ZNF334: variants seen among roughly 807,000 people sequenced by gnomAD.
ZNF334 encodes zinc finger protein 334.
ZNF334 carries 14 observed loss-of-function variants against 12.4 expected under a neutral mutation model. That is an observed-to-expected ratio of 1.13 (90% CI 0.74 to 1.76). The LOEUF (loss-of-function observed/expected upper bound fraction) is 1.76. Among genes scored for constraint, ZNF334 ranks in the 40% most tolerant of loss-of-function variants. The probability of loss-of-function intolerance (pLI) is 0.00; values close to 1 mark genes in which losing one functional copy is unlikely to be tolerated. For missense variants in ZNF334, 797 were observed against 804.5 expected (o/e 0.99, Z 0.11); for synonymous variants, 273 against 269.6 (o/e 1.01, Z -0.12).
At chr20:46,496,116 C>A (rs755768306), downstream of ZNF334, among the ~76,000 whole-genome samples, 5 of 152,188 alleles carry the variant, frequency 3.3e-5, no homozygotes, top group Non-Finnish European at 5.9e-5. Flanking sequence ...ATAAGTCATA[C>A]TTCTGCCTAG....
chr20:46,503,992 T>C (rs2061341484), intron 4 of ZNF334, among the ~76,000 whole-genome samples: 1 of 152,222 alleles, frequency 6.6e-6, no homozygotes, highest in African/African-American at 2.4e-5. Context: ...ATTTTGGGGA[T>C]AGGTAACTTA....
At chr20:46,507,467 GATA>G (rs1302712430) in intron 2 of ZNF334, among the ~76,000 whole-genome samples, 3 of 152,202 alleles carry the variant, frequency 2.0e-5, no homozygotes, top group Non-Finnish European at 4.4e-5. Flanking sequence ...GAATACGATA[GATA>G]ATAATACTGT....
downstream of ZNF334, among the ~76,000 whole-genome samples, chr20:46,497,622 A>T (rs1009763062): frequency 2.0e-5 from 3 of 152,262 alleles, no homozygotes; most frequent in East Asian, 5.8e-4. Context: ...TAAAGATATC[A>T]GTATATTAGT....
the ZNF334 span, among the ~76,000 whole-genome samples, chr20:46,488,003 A>C: frequency 6.6e-6 from 1 of 152,134 alleles, no homozygotes; most frequent in Non-Finnish European, 1.5e-5. Flanking sequence ...CTAGGGTGTA[A>C]CAGCCAGGGA....
the ZNF334 span, among the ~76,000 whole-genome samples, chr20:46,488,417 T>A: frequency 1.4e-4 from 14 of 98,022 alleles, no homozygotes; most frequent in African/African-American, 6.3e-4. Flanking sequence ...GTAGCTCTTA[T>A]TTTATATATA....
chr20:46,471,389 T>C, the ZNF334 span, among the ~76,000 whole-genome samples: 1 of 152,218 alleles, frequency 6.6e-6, no homozygotes, highest in South Asian at 2.1e-4. Flanking sequence ...ACCAATACCT[T>C]CTTCCATTCT....
chr20:46,483,573 C>T, the ZNF334 span, among the ~76,000 whole-genome samples: 1 of 152,142 alleles, frequency 6.6e-6, no homozygotes, highest in Non-Finnish European at 1.5e-5. Flanking sequence ...ATCTTGCTCT[C>T]CCCCTACTAA....
At chr20:46,483,913 G>C in the ZNF334 span, among the ~76,000 whole-genome samples, 1 of 152,114 alleles carries the variant, frequency 6.6e-6, no homozygotes, top group Non-Finnish European at 1.5e-5. Flanking sequence ...TTGAATTTAT[G>C]TATATACTTG....
the ZNF334 span, among the ~76,000 whole-genome samples, chr20:46,478,985 C>A: frequency 6.6e-6 from 1 of 152,154 alleles, no homozygotes; most frequent in African/African-American, 2.4e-5. Context: ...CTCACCTCAC[C>A]CCATCCCTGG....
At position 46,502,956 on chromosome 20, in the gene ZNF334, G is replaced by A. The variant is rs1568862238; in HGVS notation, c.383C>T (p.Pro128Leu). ...KTLNLGMNSV[P>L]SRKMPYKCNP... is the part of the protein sequence containing the mutation. ...ACATTTATAGGGCATTTTTCTTGAG[G>A]GAACACTATTCATGCCCAGATTAAG... Residue 128 changes from proline to leucine, a missense_variant, in exon 5 of 5, where the codon CCC becomes CTC. Pro to Leu is a moderately conservative substitution (Grantham distance 98). Coordinates refer to ENST00000692313, the MANE Select transcript of ZNF334 (RefSeq NM_001353824.2). 2.5e-6 allele frequency: 4 copies of A among 1,613,928 alleles called. No individual in the cohort carries two copies. Among genetic ancestry groups the A allele is most frequent in the Non-Finnish European group, 2.5e-6 (3 of 1,179,950 alleles).
Position 46,502,076 on chromosome 20 carries a change from A to G in ZNF334, c.1263T>C (p.Asn421=). Residue 421 remains asparagine (N), a synonymous_variant, in exon 5 of 5, where the codon AAT becomes AAC. Coordinates refer to ENST00000692313, the MANE Select transcript of ZNF334 (RefSeq NM_001353824.2). ...CTCCTGTATGACTTCTTCGATGCAC[A>G]TTGAGGGCAGATTGACAAAAGAAGG... The part of the protein sequence containing the change: ...EKTFFCQSAL[N]VHRRSHTGEK... 1 of 1,614,212 alleles carries G rather than the reference A, an allele frequency of 6.2e-7. No individual in the cohort carries two copies. Among genetic ancestry groups the G allele is most frequent in the Non-Finnish European group, 8.5e-7 (1 of 1,180,038 alleles).
At chr20:46,511,275 A>G (rs1165860534) in intron 2 of ZNF334, among the ~76,000 whole-genome samples, 2 of 152,126 alleles carry the variant, frequency 1.3e-5, no homozygotes, top group East Asian at 3.9e-4. Context: ...AAAGAGAATC[A>G]TGTGAGTGAT....
At chr20:46,485,991 G>C in the ZNF334 span, among the ~76,000 whole-genome samples, 8 of 152,246 alleles carry the variant, frequency 5.3e-5, no homozygotes, top group East Asian at 1.5e-3. Flanking sequence ...TTTACTGCAA[G>C]ATGTTTTTCG....
Position 46,501,948 on chromosome 20 carries a change from T to C in ZNF334, c.1391A>G (p.Asn464Ser), listed in dbSNP as rs866061552. ...THRGKKSYEC[N>S]ECGKFFCHKS... The stretch of plus-strand genomic sequence containing the variant: ...ATGGCAGAAAAATTTCCCACATTCA[T>C]TACATTCATAAGACTTCTTTCCTCT... The change falls in exon 5 of 5, where the codon AAT becomes AGT. Residue 464 changes from asparagine to serine, a missense_variant. By Grantham distance (46) the Asn-to-Ser change is conservative. Coordinates refer to ENST00000692313, the MANE Select transcript of ZNF334 (RefSeq NM_001353824.2). 6.2e-7 allele frequency: 1 copy of C among 1,614,070 alleles called. No individual in the cohort carries two copies. Among genetic ancestry groups the C allele is most frequent in the Non-Finnish European group, 8.5e-7 (1 of 1,180,018 alleles).
intron 2 of ZNF334, among the ~76,000 whole-genome samples, chr20:46,506,955 T>A (rs2780230): frequency 0.016 from 1,298 of 83,586 alleles, 19 homozygotes; most frequent in African/African-American, 0.053. Context: ...CTCAAAAAAA[T>A]TTTTTTTTTT....
At chr20:46,496,867 G>T (rs2061034530), downstream of ZNF334, 1 of 152,192 alleles carries the variant, frequency 6.6e-6, no homozygotes, top group Admixed American at 6.5e-5. Flanking sequence ...CGTTTAGGTA[G>T]AAGACAGTAA....
chr20:46,482,851 G>C, the ZNF334 span, among the ~76,000 whole-genome samples: 2 of 152,174 alleles, frequency 1.3e-5, no homozygotes, highest in African/African-American at 2.4e-5. Context: ...GTGTTCTACA[G>C]TGTGAATTGT....
intron 2 of ZNF334, among the ~76,000 whole-genome samples, chr20:46,508,670 G>A (rs2061527998): frequency 6.6e-6 from 1 of 152,202 alleles, no homozygotes; most frequent in African/African-American, 2.4e-5. Flanking sequence ...TCAGGGTTCT[G>A]TGGGATGCTG....
At chr20:46,478,747 T>C in the ZNF334 span, among the ~76,000 whole-genome samples, 1 of 152,158 alleles carries the variant, frequency 6.6e-6, no homozygotes, top group African/African-American at 2.4e-5. Flanking sequence ...GGGGAACACT[T>C]AACAAAAAAT....
Sources: gnomAD v4.1 joint callset for allele counts (sites outside exome capture counted in the v4.1 genomes callset) on GRCh38, gnomAD v4.1.1 for gene constraint, MANE v1.5 for transcripts, NCBI Gene and HGNC (gene_info 2026-07-23, HGNC 2026-07-21) for gene names.